Variants in TRAPPC6B observed in about 807,000 individuals in gnomAD.
TRAPPC6B encodes TRAPP complex subunit 6B.
Under a neutral mutation model 24.7 loss-of-function variants are expected in TRAPPC6B, and 27 were observed. The ratio of observed to expected loss-of-function variants is 1.09; its 90% CI spans 0.81 to 1.51. The LOEUF (loss-of-function observed/expected upper bound fraction) is 1.51, where lower values mean the gene tolerates loss of function less well. Among genes scored for constraint, TRAPPC6B ranks in the 40% most tolerant of loss-of-function variants. The probability of loss-of-function intolerance (pLI) is 0.00; values close to 1 mark genes in which losing one functional copy is unlikely to be tolerated. For missense variants in TRAPPC6B, 212 were observed against 190.8 expected (o/e 1.11, Z -0.66); for synonymous variants, 80 against 66.6 (o/e 1.20, Z -0.98).
In TRAPPC6B at chr14:39,150,098, G is replaced by C. The variant is rs2052895514; in HGVS notation, c.*252C>G. The C allele has an allele frequency of 5.4e-6, 2 of 371,546 alleles. No homozygotes were observed. Among genetic ancestry groups the C allele is most frequent in the East Asian group, 9.9e-5 (2 of 20,276 alleles). The allele number at this position is 371,546 out of a possible 1,614,324, so 23.0% of individuals were successfully genotyped here. A position where few individuals can be genotyped will look rare whatever the true frequency, so the allele number is the denominator to read the frequency against. ...ACATATCACTCTAACCAAATAAAAA[G>C]GTTTAAAATAAGGGCCCTGCATCTT... On this transcript the variant is annotated 3_prime_UTR_variant, in exon 6 of 6. Coordinates refer to ENST00000330149, the MANE Select transcript of TRAPPC6B (RefSeq NM_001079537.2).
chr14:39,155,127 C>T (rs1023597854), intron 3 of TRAPPC6B, among the ~76,000 whole-genome samples: 2 of 151,646 alleles, frequency 1.3e-5, no homozygotes, highest in Admixed American at 6.6e-5. Context: ...AGGGGGTCTC[C>T]CTATGTTGCC....
chr14:39,155,700 C>T (rs1340296420), intron 3 of TRAPPC6B, among the ~76,000 whole-genome samples: 3 of 151,552 alleles, frequency 2.0e-5, no homozygotes, highest in Non-Finnish European at 4.4e-5. Flanking sequence ...ATATGCCTGG[C>T]TAATTTTTGT....
chr14:39,161,067 T>C (rs1451421523), intron 1 of TRAPPC6B, among the ~76,000 whole-genome samples: 1 of 152,254 alleles, frequency 6.6e-6, no homozygotes, highest in African/African-American at 2.4e-5. Flanking sequence ...AATTTTTGAA[T>C]GTTGACACTA....
At chr14:39,157,567 C>G (rs1354571857) in intron 3 of TRAPPC6B, 2 of 387,808 alleles carry the variant, frequency 5.2e-6, no homozygotes, top group East Asian at 1.5e-4. Context: ...GGCTGTCTTC[C>G]TGCCTGCCTT....
chr14:39,167,421 AG>A (rs1480675449), intron 1 of TRAPPC6B, among the ~76,000 whole-genome samples: 1 of 150,604 alleles, frequency 6.6e-6, no homozygotes, highest in African/African-American at 2.5e-5. Context: ...ACAAAAAAAA[AG>A]ACACATAATC....
At chr14:39,153,445 T>C (rs1404925151) in intron 4 of TRAPPC6B, among the ~76,000 whole-genome samples, 1 of 147,548 alleles carries the variant, frequency 6.8e-6, no homozygotes, top group Non-Finnish European at 1.5e-5. Flanking sequence ...CTGGGCAACA[T>C]CGTGGGATCC....
chr14:39,170,202 C>G lies in TRAPPC6B; in HGVS notation c.-107G>C. 9.6e-7 allele frequency: 1 copy of G among 1,044,678 alleles called. No individual in the cohort carries two copies. The highest frequency in any genetic ancestry group is 1.4e-6 in the Non-Finnish European group (1 of 689,690). 64.7% of individuals were successfully genotyped at this position (1,044,678 alleles called of 1,614,324 possible). A position where few individuals can be genotyped will look rare whatever the true frequency, so the allele number is the denominator to read the frequency against. On this transcript the variant is annotated 5_prime_UTR_variant, in exon 1 of 6. Coordinates refer to ENST00000330149, the MANE Select transcript of TRAPPC6B (RefSeq NM_001079537.2). Reference sequence around the variant, plus strand: ...CGCCGGCGCCGCGGCTCCGTCAGGCCGCCATTCTATCCCTGTGGCTAAGAG... The same window carrying G: ...CGCCGGCGCCGCGGCTCCGTCAGGCGGCCATTCTATCCCTGTGGCTAAGAG...
rs2053084590 is a variant in TRAPPC6B, at chr14:39,164,117, G to A, written c.82-4567C>T. Among the ~76,000 whole-genome samples, 2 of 143,304 alleles carry A rather than the reference G, an allele frequency of 1.4e-5. 1 individual carries two copies. The highest frequency in any genetic ancestry group is 6.0e-5 in the African/African-American group (2 of 33,266). The allele number at this position is 143,304 out of a possible 152,430, so 94.0% of individuals were successfully genotyped here. ...GTTTTTAGCTATAGCTTTCCAACTG[G>A]TCTTGTCTCATTTTTTCCTACTTTG... On this transcript the variant is annotated intron_variant, in intron 1 of 5. Coordinates refer to ENST00000330149, the MANE Select transcript of TRAPPC6B (RefSeq NM_001079537.2).
At chr14:39,157,206 G>T (rs559598818) in intron 3 of TRAPPC6B, 3 of 337,806 alleles carry the variant, frequency 8.9e-6, no homozygotes, top group African/African-American at 4.4e-5. Context: ...CACCCAATAT[G>T]GACCTCACTC....
At chr14:39,161,982 G>A (rs1244369902) in intron 1 of TRAPPC6B, among the ~76,000 whole-genome samples, 3 of 152,138 alleles carry the variant, frequency 2.0e-5, no homozygotes, top group South Asian at 4.1e-4. Flanking sequence ...ATAACCTGCT[G>A]TTAGGAGGAG....
chr14:39,161,207 A>G (rs143775541), intron 1 of TRAPPC6B, among the ~76,000 whole-genome samples: 3 of 152,330 alleles, frequency 2.0e-5, no homozygotes, highest in East Asian at 1.9e-4. Context: ...GAAAAGGCCC[A>G]CATTCTATCA....
chr14:39,157,630 G>T, intron 3 of TRAPPC6B: 1 of 356,966 alleles, frequency 2.8e-6, no homozygotes, highest in Non-Finnish European at 5.5e-6. Flanking sequence ...GGCAAGACTG[G>T]GATGTCTAAT....
chr14:39,166,269 A>C (rs1044707687), intron 1 of TRAPPC6B, among the ~76,000 whole-genome samples: 6 of 114,190 alleles, frequency 5.3e-5, no homozygotes, highest in Admixed American at 2.9e-4. Context: ...AAAAAAAAAA[A>C]CAAAAAAACA....
At chr14:39,153,703 C>CTTTTTTTTTT (rs753192860) in intron 4 of TRAPPC6B, among the ~76,000 whole-genome samples, 1 of 129,108 alleles carries the variant, frequency 7.7e-6, no homozygotes, top group Non-Finnish European at 1.7e-5. Flanking sequence ...TCTTTTTTTT[C>CTTTTTTTTTT]TTTTTTTTTT....
chr14:39,169,338 A>G (rs1594548380), intron 1 of TRAPPC6B, among the ~76,000 whole-genome samples: 1 of 114,366 alleles, frequency 8.7e-6, no homozygotes, highest in Non-Finnish European at 1.9e-5. Flanking sequence ...ACTCCCACAT[A>G]TTAGAAGTAA....
chr14:39,155,114 G>C (rs1457329339), intron 3 of TRAPPC6B, among the ~76,000 whole-genome samples: 1 of 151,770 alleles, frequency 6.6e-6, no homozygotes, highest in Non-Finnish European at 1.5e-5. Flanking sequence ...ATTTTTTGTA[G>C]AAAGGGGGTC....
intron 1 of TRAPPC6B, among the ~76,000 whole-genome samples, chr14:39,168,203 C>CA (rs548972167): frequency 2.1e-3 from 158 of 75,836 alleles, no homozygotes; most frequent in African/African-American, 7.0e-3. Context: ...GAGACAAGAA[C>CA]AAAACTCCAT....
In TRAPPC6B at chr14:39,151,833, C is replaced by G. The variant is rs1249050403; in HGVS notation, c.358G>C (p.Ala120Pro). 6.3e-7 allele frequency: 1 copy of G among 1,591,296 alleles called. No homozygotes were observed. The highest frequency in any genetic ancestry group is 1.2e-5 in the South Asian group (1 of 86,058). The change falls in exon 5 of 6, where the codon GCA (alanine) becomes CCA (proline). Residue 120 changes from alanine (A) to proline (P), a missense_variant. By Grantham distance (27) the Ala-to-Pro change is conservative. Transcript: ENST00000330149. ...CCTCTGATTAAGCCACACGTAAATG[C>G]TAAATACTAAAAGGAAAAAAAATCA... ...QYLEHASKYL[A>P]FTCGLIRGGL... is the part of the protein sequence containing the mutation.
intron 3 of TRAPPC6B, among the ~76,000 whole-genome samples, chr14:39,156,126 G>C (rs560809497): frequency 6.6e-6 from 1 of 152,080 alleles, no homozygotes; most frequent in Non-Finnish European, 1.5e-5. Flanking sequence ...TGTCTAGAGA[G>C]TAAAAAAATC....
Sources: gnomAD v4.1 joint callset for allele counts (sites outside exome capture counted in the v4.1 genomes callset) on GRCh38, gnomAD v4.1.1 for gene constraint, MANE v1.5 for transcripts, NCBI Gene and HGNC (gene_info 2026-07-23, HGNC 2026-07-21) for gene names.